Variants in TEAD1 observed in about 807,000 individuals in gnomAD.
The protein encoded by TEAD1 is transcriptional enhancer factor TEF-1.
TEAD1 carries 9 observed loss-of-function variants against 54.9 expected under a neutral mutation model. The observed-to-expected ratio is 0.16, with a 90% CI of 0.10 to 0.29. TEAD1 has a LOEUF of 0.29. Among genes scored for constraint, TEAD1 ranks in the 10% least tolerant of loss-of-function variants. The pLI, the probability that TEAD1 is intolerant of heterozygous loss-of-function variation, is 1.00. For missense variants in TEAD1, 387 were observed against 535.9 expected (o/e 0.72, Z 2.74); for synonymous variants, 200 against 187.8 (o/e 1.07, Z -0.53).
chr11:12,675,099 C>CCCGG (rs1305686761), intron 1 of TEAD1, among the ~76,000 whole-genome samples: 70 of 146,644 alleles, frequency 4.8e-4, no homozygotes, highest in Non-Finnish European at 9.1e-4. Context: ...ACAGGCGGCC[C>CCCGG]CCGGCCGGCC....
intron 3 of TEAD1, among the ~76,000 whole-genome samples, chr11:12,806,760 T>C (rs1946181248): frequency 6.6e-6 from 1 of 152,216 alleles, no homozygotes; most frequent in Non-Finnish European, 1.5e-5. Flanking sequence ...AACATCAACA[T>C]AGTCTGAGAG....
chr11:12,890,461 C>CA (rs1168510774), intron 9 of TEAD1, among the ~76,000 whole-genome samples: 2 of 152,130 alleles, frequency 1.3e-5, no homozygotes, highest in African/African-American at 4.8e-5. Flanking sequence ...CTAGTGGCAG[C>CA]AAAGAGGTGA....
At position 12,690,850 on chromosome 11, in the gene TEAD1, C is replaced by T. The variant is rs189596161; in HGVS notation, c.-55+15289C>T. On this transcript the variant is annotated intron_variant, in intron 2 of 12. Coordinates refer to ENST00000527636, the MANE Select transcript of TEAD1 (RefSeq NM_021961.6). ...CCGGCTTGCCGTAGCCTTGACTTCC[C>T]GGGCTCAGGTGATCCTCTGACCTCA... Among the ~76,000 whole-genome samples the T allele has an allele frequency of 3.4e-4, 52 of 152,272 alleles. 1 individual carries two copies. In the South Asian group the frequency reaches 8.1e-3, roughly 24 times the overall value.
At chr11:12,883,226 C>T (rs1948005674) in intron 9 of TEAD1, 101 bp downstream of exon 9, 7 of 1,563,542 alleles carry the variant, frequency 4.5e-6, no homozygotes, top group Non-Finnish European at 6.1e-6. Flanking sequence ...CCGCCCCATG[C>T]CTGACAAATA....
At chr11:12,750,166 A>G (rs1389313682) in intron 2 of TEAD1, among the ~76,000 whole-genome samples, 1 of 152,156 alleles carries the variant, frequency 6.6e-6, no homozygotes, top group Non-Finnish European at 1.5e-5. Context: ...GTGTTTTCAC[A>G]TTGGCCAAAT....
intron 2 of TEAD1, among the ~76,000 whole-genome samples, chr11:12,708,013 T>C (rs1943856584): frequency 6.6e-6 from 1 of 152,220 alleles, no homozygotes; most frequent in Admixed American, 6.5e-5. Flanking sequence ...AGAACTTTCT[T>C]TTCTGTTGTT....
intron 12 of TEAD1, among the ~76,000 whole-genome samples, chr11:12,933,541 A>G (rs1949049867): frequency 1.3e-5 from 2 of 152,188 alleles, no homozygotes; most frequent in Non-Finnish European, 2.9e-5. Context: ...CTATATTTCT[A>G]AAATTTTTAT....
chr11:12,716,903 G>A (rs1005173011), intron 2 of TEAD1, among the ~76,000 whole-genome samples: 4 of 152,328 alleles, frequency 2.6e-5, no homozygotes, highest in East Asian at 3.9e-4. Flanking sequence ...CTGCGTTCCC[G>A]ACATAGGCGC....
intron 10 of TEAD1, among the ~76,000 whole-genome samples, chr11:12,915,767 C>T (rs1220093097): frequency 6.6e-6 from 1 of 152,126 alleles, no homozygotes; most frequent in Non-Finnish European, 1.5e-5. Flanking sequence ...TCTCTTGAAC[C>T]CAGAAGGTCG....
chr11:12,888,572 T>C (rs1164243539), intron 9 of TEAD1, among the ~76,000 whole-genome samples: 2 of 152,138 alleles, frequency 1.3e-5, no homozygotes, highest in African/African-American at 4.8e-5. Context: ...TTAGTTTATC[T>C]CCTCCTTAGT....
At position 12,821,961 on chromosome 11, in the gene TEAD1, C is replaced by CTTTTTTTTTTTTTTTTTTTTTTTT. The variant is rs10700151; in HGVS notation, c.203-40269_203-40268insTTTTTTTTTTTTTTTTTTTTTTTT. ...TACTCTCTCTCCTTTTTCTCTTTTC[C>CTTTTTTTTTTTTTTTTTTTTTTTT]TTTTTTTTTTTTTTTTTTTTGAGAC... On this transcript the variant is annotated intron_variant, in intron 3 of 12. Coordinates refer to ENST00000527636, the MANE Select transcript of TEAD1 (RefSeq NM_021961.6). Among the ~76,000 whole-genome samples, 64 of 68,066 alleles carry CTTTTTTTTTTTTTTTTTTTTTTTT rather than the reference C, an allele frequency of 9.4e-4. 16 individuals carry two copies. Among genetic ancestry groups the CTTTTTTTTTTTTTTTTTTTTTTTT allele is most frequent in the Non-Finnish European group, 1.1e-3 (43 of 40,016 alleles). The allele number at this position is 68,066 out of a possible 152,430, so 44.7% of individuals were successfully genotyped here. A position where few individuals can be genotyped will look rare whatever the true frequency, so the allele number is the denominator to read the frequency against.
chr11:12,879,359 T>C lies in TEAD1; in HGVS notation c.331-349T>C, dbSNP rs888335101. ...GTTTGCTTAAAAGCAGGGCCTTTAT[T>C]TTTTTTTCTTCCTTAAATGTTTTAA... is the stretch of plus-strand genomic sequence containing the variant. On this transcript the variant is annotated intron_variant, in intron 5 of 12. Coordinates refer to ENST00000527636, the MANE Select transcript of TEAD1 (RefSeq NM_021961.6). 1.3e-5 allele frequency: 7 copies of C among 551,362 alleles called. No homozygotes were observed. The African/African-American group carries it at 1.3e-4, about 10-fold the overall frequency. The allele number at this position is 551,362 out of a possible 1,614,324, so 34.2% of individuals were successfully genotyped here.
intron 2 of TEAD1, among the ~76,000 whole-genome samples, chr11:12,711,592 A>G (rs1382456526): frequency 6.6e-6 from 1 of 152,066 alleles, no homozygotes; most frequent in Non-Finnish European, 1.5e-5. Context: ...TAGTCCTTTC[A>G]TGTTCCCTCC....
chr11:12,893,778 G>A (rs1948248971), intron 9 of TEAD1, among the ~76,000 whole-genome samples: 1 of 152,226 alleles, frequency 6.6e-6, no homozygotes, highest in Non-Finnish European at 1.5e-5. Flanking sequence ...TCTCTGGGAA[G>A]AACGAGGGGC....
intron 2 of TEAD1, among the ~76,000 whole-genome samples, chr11:12,686,299 C>T (rs1360987959): frequency 6.6e-6 from 1 of 152,136 alleles, no homozygotes; most frequent in Admixed American, 6.5e-5. Context: ...GTATTGAGCT[C>T]ATGACAGTAT....
intron 2 of TEAD1, among the ~76,000 whole-genome samples, chr11:12,748,571 A>T (rs1944799374): frequency 1.3e-5 from 2 of 152,194 alleles, no homozygotes; most frequent in Non-Finnish European, 2.9e-5. Flanking sequence ...TTTGCATTTT[A>T]GGAAAACCTT....
intron 10 of TEAD1, among the ~76,000 whole-genome samples, chr11:12,919,281 T>C (rs536560080): frequency 6.6e-6 from 1 of 152,248 alleles, no homozygotes; most frequent in East Asian, 1.9e-4. Flanking sequence ...TTTGGGGAGT[T>C]CTAAGAGATA....
intron 2 of TEAD1, among the ~76,000 whole-genome samples, chr11:12,677,371 C>CT (rs917819715): frequency 6.6e-6 from 1 of 152,108 alleles, no homozygotes; most frequent in African/African-American, 2.4e-5. Flanking sequence ...GGAGGGCAGC[C>CT]TGGGGGGAGT....
At chr11:12,790,226 A>G (rs1945769339) in intron 3 of TEAD1, among the ~76,000 whole-genome samples, 1 of 152,248 alleles carries the variant, frequency 6.6e-6, no homozygotes, top group South Asian at 2.1e-4. Flanking sequence ...CAGCAGGGCC[A>G]GAGCCTAAGG....
Sources: allele counts gnomAD v4.1 joint callset (sites outside exome capture counted in the v4.1 genomes callset), GRCh38; gene constraint gnomAD v4.1.1; transcripts MANE v1.5; gene names NCBI Gene and HGNC (gene_info 2026-07-23, HGNC 2026-07-21).